Variants in TYW1 observed in about 807,000 individuals in gnomAD.
The protein encoded by TYW1 is S-adenosyl-L-methionine-dependent tRNA 4-demethylwyosine synthase TYW1.
In TYW1, 46 loss-of-function variants were observed where a neutral mutation model predicts 96.2. The ratio of observed to expected loss-of-function variants is 0.48; its 90% CI spans 0.38 to 0.61. The LOEUF is 0.61. Ranked by LOEUF, TYW1 falls within the 20% of genes least tolerant of loss-of-function variation. The probability of loss-of-function intolerance (pLI) is 0.00; values close to 1 mark genes in which losing one functional copy is unlikely to be tolerated. For missense variants in TYW1, 684 were observed against 909.6 expected (o/e 0.75, Z 3.19); for synonymous variants, 274 against 323.0 (o/e 0.85, Z 1.63).
At chr7:67,228,772 G>C (rs1801646588) in intron 15 of TYW1, among the ~76,000 whole-genome samples, 1 of 152,204 alleles carries the variant, frequency 6.6e-6, no homozygotes, top group Non-Finnish European at 1.5e-5. Context: ...AACAAAAGCT[G>C]GAACAACTTT....
At chr7:67,053,101 T>TCC (rs1298747121) in intron 8 of TYW1, among the ~76,000 whole-genome samples, 2 of 132,664 alleles carry the variant, frequency 1.5e-5, no homozygotes, top group African/African-American at 2.8e-5. Context: ...TTTTTTTTTT[T>TCC]CCTGGGACAA....
At chr7:67,029,415 GTA>G (rs55802244) in intron 7 of TYW1, among the ~76,000 whole-genome samples, 3,651 of 93,790 alleles carry the variant, frequency 0.039, 213 homozygotes, top group East Asian at 0.13. Flanking sequence ...GTGTGTGTGT[GTA>G]TATATATATA....
chr7:67,085,987 A>G (rs1345245115), intron 11 of TYW1, among the ~76,000 whole-genome samples: 1 of 152,042 alleles, frequency 6.6e-6, no homozygotes, highest in Non-Finnish European at 1.5e-5. Flanking sequence ...AAAAAAAATT[A>G]GTCAATAATT....
At chr7:67,147,118 A>G (rs1333892550) in intron 13 of TYW1, among the ~76,000 whole-genome samples, 1 of 152,226 alleles carries the variant, frequency 6.6e-6, no homozygotes, top group Non-Finnish European at 1.5e-5. Context: ...AGCCCTCTGT[A>G]TCCACAGGCT....
At chr7:67,015,004 C>T (rs924269494) in intron 5 of TYW1, among the ~76,000 whole-genome samples, 3 of 145,564 alleles carry the variant, frequency 2.1e-5, no homozygotes, top group African/African-American at 7.6e-5. Flanking sequence ...CCGGCCTCTT[C>T]TGTTTTTTTT....
intron 12 of TYW1, among the ~76,000 whole-genome samples, 198 bp from the exon 13 acceptor site, chr7:67,117,280 CAGTCA>C (rs1797624203): frequency 6.6e-6 from 1 of 152,042 alleles, no homozygotes; most frequent in Admixed American, 6.6e-5. Flanking sequence ...GGATGGTTTC[CAGTCA>C]TTTAAAAAAT....
At chr7:67,236,541 C>T (rs1801897136) in intron 15 of TYW1, among the ~76,000 whole-genome samples, 1 of 152,140 alleles carries the variant, frequency 6.6e-6, no homozygotes, top group Non-Finnish European at 1.5e-5. Context: ...TGATTGCCTC[C>T]ACAACAGTAG....
chr7:67,045,180 G>T (rs1300905184), intron 7 of TYW1, among the ~76,000 whole-genome samples: 1 of 151,998 alleles, frequency 6.6e-6, no homozygotes, highest in African/African-American at 2.4e-5. Flanking sequence ...GTATCAAAAT[G>T]AATTAAGTGG....
At chr7:67,018,279 T>C in intron 6 of TYW1, 136 bp downstream of exon 6, 1 of 1,197,348 alleles carries the variant, frequency 8.4e-7, no homozygotes, top group Non-Finnish European at 1.1e-6. Flanking sequence ...TGGCTCGCAC[T>C]TGTAATCCCC....
intron 15 of TYW1, among the ~76,000 whole-genome samples, chr7:67,205,358 A>G (rs1191504024): frequency 6.6e-6 from 1 of 151,690 alleles, no homozygotes; most frequent in Admixed American, 6.6e-5. Flanking sequence ...TTCCCCCCTT[A>G]GACTCCACTG....
At chr7:67,095,660 A>AAACAACAAC (rs56747081) in intron 11 of TYW1, among the ~76,000 whole-genome samples, 106 of 136,664 alleles carry the variant, frequency 7.8e-4, no homozygotes, top group African/African-American at 1.1e-3. Flanking sequence ...TCTGTCTCAA[A>AAACAACAAC]AACAACAACA....
rs186230369 is a variant in TYW1, at chr7:67,012,017, A to G, written c.375+2333A>G. On this transcript the variant is annotated intron_variant, in intron 4 of 15. Coordinates refer to ENST00000359626, the MANE Select transcript of TYW1 (RefSeq NM_018264.4). ...ACAAAACAGCCATAGATAATATGTA[A>G]ATGAATGAGTGTGGCTGTGTTGCAC... is the stretch of plus-strand genomic sequence containing the variant. Among the ~76,000 whole-genome samples, 333 of 152,090 alleles carry G rather than the reference A, an allele frequency of 2.2e-3. 2 individuals are homozygous for G. The highest frequency in any genetic ancestry group is 3.3e-3 in the South Asian group (16 of 4,820).
At chr7:67,094,497 A>G (rs1796826025) in intron 11 of TYW1, among the ~76,000 whole-genome samples, 1 of 152,192 alleles carries the variant, frequency 6.6e-6, no homozygotes, top group South Asian at 2.1e-4. Flanking sequence ...TTTTGCTTTA[A>G]TAATAGCCAT....
rs1403067009 is a variant in TYW1, at chr7:67,233,329, T to G, written c.1978-4979T>G. Among the ~76,000 whole-genome samples, 4 of 136,222 alleles carry G rather than the reference T, an allele frequency of 2.9e-5. 1 individual carries two copies. Among genetic ancestry groups the G allele is most frequent in the Non-Finnish European group, 6.3e-5 (4 of 63,234 alleles). The allele number at this position is 136,222 out of a possible 152,430, so 89.4% of individuals were successfully genotyped here. ...TAAACATTTACACTAACAGAGAACC[T>G]ATGCCATTATTATTGTTTAGCGAAA... On this transcript the variant is annotated intron_variant, in intron 15 of 15. Transcript: ENST00000359626.
intron 8 of TYW1, among the ~76,000 whole-genome samples, chr7:67,052,898 C>T (rs1399265921): frequency 1.1e-4 from 17 of 151,866 alleles, no homozygotes; most frequent in African/African-American, 3.1e-4. Flanking sequence ...CCCACTACCA[C>T]GCCTGGCTAA....
At chr7:67,065,304 C>A (rs1414395936) in intron 9 of TYW1, among the ~76,000 whole-genome samples, 1 of 152,190 alleles carries the variant, frequency 6.6e-6, no homozygotes, top group Non-Finnish European at 1.5e-5. Context: ...GAGCCTATAT[C>A]CACATGCCGT....
At chr7:67,172,429 T>TC (rs909306100) in intron 13 of TYW1, among the ~76,000 whole-genome samples, 30 of 146,304 alleles carry the variant, frequency 2.1e-4, no homozygotes, top group African/African-American at 6.6e-4. Flanking sequence ...ACCTTACCAT[T>TC]CTTTTTTTTG....
chr7:67,194,594 A>G (rs532060382), intron 14 of TYW1, among the ~76,000 whole-genome samples: 4 of 152,064 alleles, frequency 2.6e-5, no homozygotes, highest in African/African-American at 9.7e-5. Context: ...ACTGCACTCC[A>G]GCCTAGGCGA....
At position 67,046,135 on chromosome 7, in the gene TYW1, G is replaced by A. The variant is rs368896075; in HGVS notation, c.985-3814G>A. Among the ~76,000 whole-genome samples the A allele has an allele frequency of 1.8e-4, 28 of 152,298 alleles. No individual in the cohort carries two copies. The East Asian group carries it at 3.9e-3, about 21-fold the overall frequency. ...GTGTGATCTGATTGGATCTTGCAAC[G>A]AAGTGAAGCCAGGAGGTGTGATTTG... On this transcript the variant is annotated intron_variant, in intron 7 of 15. Coordinates refer to ENST00000359626, the MANE Select transcript of TYW1 (RefSeq NM_018264.4).
Sources: gnomAD v4.1 joint callset for allele counts (sites outside exome capture counted in the v4.1 genomes callset) on GRCh38, gnomAD v4.1.1 for gene constraint, MANE v1.5 for transcripts, NCBI Gene and HGNC (gene_info 2026-07-23, HGNC 2026-07-21) for gene names.